Variants in CLPTM1 observed in about 807,000 individuals in gnomAD.
CLPTM1 encodes putative lipid scramblase CLPTM1.
CLPTM1 carries 21 observed loss-of-function variants against 77.3 expected under a neutral mutation model. The observed-to-expected ratio is 0.27, with a 90% CI of 0.19 to 0.39. The LOEUF is 0.39. CLPTM1 is among the 10% of genes least tolerant of loss of function. The pLI is 1.00. For missense variants in CLPTM1, 642 were observed against 921.2 expected (o/e 0.70, Z 3.92); for synonymous variants, 373 against 381.0 (o/e 0.98, Z 0.24).
chr19:44,986,552 G>T lies in CLPTM1; in HGVS notation c.770G>T (p.Ser257Ile). 1 of 1,613,990 alleles carries T rather than the reference G, an allele frequency of 6.2e-7. No homozygotes were observed. Among genetic ancestry groups the T allele is most frequent in the Non-Finnish European group, 8.5e-7 (1 of 1,180,010 alleles). Residue 257 changes from serine (S) to isoleucine (I), a missense_variant, in exon 7 of 14, where the codon AGT (serine) becomes ATT (isoleucine). Physicochemically the swap from Ser to Ile is moderately radical, Grantham distance 142 (BLOSUM62 -2). Coordinates refer to ENST00000337392, the MANE Select transcript of CLPTM1 (RefSeq NM_001294.4). ...GACCACACGCCGTGGGTGAAGGGCA[G>T]TGTGCCCCCTCCCCTGGATCAATGT... ...VDDHTPWVKG[S>I]VPPPLDQYVK...
intron 1 of CLPTM1, among the ~76,000 whole-genome samples, chr19:44,956,730 A>G (rs1425009564): frequency 1.3e-5 from 2 of 152,158 alleles, no homozygotes; most frequent in Admixed American, 6.6e-5. Flanking sequence ...TTGAGAGACC[A>G]GGGCCCAGGT....
At chr19:44,954,922 G>A (rs1309285712), upstream of CLPTM1, 1 of 1,476,618 alleles carries the variant, frequency 6.8e-7, no homozygotes, top group Non-Finnish European at 9.1e-7. Flanking sequence ...CTAGTTCTTC[G>A]AATCAGAATA....
At chr19:44,971,334 TA>T (rs751867749) in intron 2 of CLPTM1, among the ~76,000 whole-genome samples, 12,768 of 152,176 alleles carry the variant, frequency 0.084, 829 homozygotes, top group African/African-American at 0.18. Flanking sequence ...ATTACAAATA[TA>T]AAATATATTG....
chr19:44,992,828 G>A lies in CLPTM1; in HGVS notation c.1941G>A (p.Gln647=). Residue 647 remains glutamine, a synonymous_variant, in exon 14 of 14, where the codon CAG becomes CAA. Coordinates refer to ENST00000337392, the MANE Select transcript of CLPTM1 (RefSeq NM_001294.4). The surrounding 1 kb of genome is among the most constrained non-coding windows in gnomAD (Gnocchi z 7.7). ...ASTSLPTKPT[Q]GASSASEPQE... ...CGTCCCTGCCCACCAAGCCCACCCA[G>A]GGGGCCAGCTCTGCCAGCGAGCCCC... The A allele has an allele frequency of 1.2e-6, 2 of 1,613,658 alleles. No individual in the cohort carries two copies. The highest frequency in any genetic ancestry group is 8.5e-7 in the Non-Finnish European group (1 of 1,179,880).
At position 44,983,782 on chromosome 19, in the gene CLPTM1, G is replaced by A. The variant is rs148678191; in HGVS notation, c.587-1436G>A. ...TTGAGACAATCCTGGCTAACACAGT[G>A]AAACCCTGTCTTTACTAAAAATACA... On this transcript the variant is annotated intron_variant, in intron 5 of 13. Coordinates refer to ENST00000337392, the MANE Select transcript of CLPTM1 (RefSeq NM_001294.4). Among the ~76,000 whole-genome samples, 1,369 of 152,082 alleles carry A rather than the reference G, an allele frequency of 9.0e-3. 22 individuals carry two copies. The highest frequency in any genetic ancestry group is 0.031 in the African/African-American group (1,282 of 41,478).
chr19:44,987,546 C>T, intron 8 of CLPTM1, 123 bp downstream of exon 8: 4 of 1,334,812 alleles, frequency 3.0e-6, no homozygotes, highest in Non-Finnish European at 4.1e-6. Context: ...CACAGTTTCA[C>T]AACCTCCCAG....
intron 2 of CLPTM1, among the ~76,000 whole-genome samples, chr19:44,971,867 C>CT (rs10693027): frequency 0.16 from 13,250 of 83,264 alleles, 2,427 homozygotes; most frequent in South Asian, 0.34. Context: ...CCCAATTATA[C>CT]TTTTTTTTTT....
In CLPTM1 at chr19:44,990,961, A is replaced by C. The variant is rs753281594; in HGVS notation, c.1419+16A>C. 7.0e-5 allele frequency: 110 copies of C among 1,571,862 alleles called. No individual in the cohort carries two copies. The Admixed American group carries it at 1.9e-3, about 27-fold the overall frequency. ...GTATGATGATGTGAGTGTCCTGCACAGTGGGCCCCTGGGGGTGGTCTCCAG... is the reference window on the plus strand; with the variant it reads ...GTATGATGATGTGAGTGTCCTGCACCGTGGGCCCCTGGGGGTGGTCTCCAG... On this transcript the variant is annotated intron_variant, in intron 11 of 13. Coordinates refer to ENST00000337392, the MANE Select transcript of CLPTM1 (RefSeq NM_001294.4). The surrounding 1 kb of genome is among the most constrained non-coding windows in gnomAD (Gnocchi z 4.8).
In CLPTM1 at chr19:44,973,105, C is replaced by T; in HGVS notation, c.204C>T (p.Ala68=). The T allele has an allele frequency of 6.2e-7, 1 of 1,613,946 alleles. No individual in the cohort carries two copies. Among genetic ancestry groups the T allele is most frequent in the Non-Finnish European group, 8.5e-7 (1 of 1,179,846 alleles). ...GVLFRIFIIW[A]ISSWFRRGPA... ...TCCTCAGGATCTTCATCATCTGGGC[C>T]ATCAGCAGTTGGTTCCGCCGAGGGC... Residue 68 remains alanine, a synonymous_variant, in exon 3 of 14, where the codon GCC becomes GCT. Coordinates refer to ENST00000337392, the MANE Select transcript of CLPTM1 (RefSeq NM_001294.4).
At chr19:44,956,767 T>C (rs966144579) in intron 1 of CLPTM1, among the ~76,000 whole-genome samples, 2 of 152,208 alleles carry the variant, frequency 1.3e-5, no homozygotes, top group Non-Finnish European at 2.9e-5. Flanking sequence ...AGCTTCCAGA[T>C]GGCACTCTGA....
rs186358861 is a variant in CLPTM1, at chr19:44,966,351, C to T, written c.185+4276C>T. ...GCGTGAACCTAGGAGGCGGAGCTTG[C>T]AGTGTGCCAAGATGCCGCCACTGCA... On this transcript the variant is annotated intron_variant, in intron 2 of 13. Transcript: ENST00000337392. Among the ~76,000 whole-genome samples, 1,024 of 152,280 alleles carry T rather than the reference C, an allele frequency of 6.7e-3. 6 individuals are homozygous for T. The highest frequency in any genetic ancestry group is 0.014 in the Middle Eastern group (4 of 294).
At chr19:44,988,322 G>C (rs1405789072) in intron 9 of CLPTM1, 149 bp downstream of exon 9, 4 of 654,984 alleles carry the variant, frequency 6.1e-6, no homozygotes, top group South Asian at 1.8e-5. Context: ...GCTGGGGAGG[G>C]GCAGTGGCCC....
chr19:44,984,087 G>A (rs549026868), intron 5 of CLPTM1, among the ~76,000 whole-genome samples: 2 of 152,378 alleles, frequency 1.3e-5, no homozygotes, highest in South Asian at 4.1e-4. Flanking sequence ...GGCCAACTGG[G>A]CCTCTGCGAG....
rs575101054 is a variant in CLPTM1, at chr19:44,970,110, G to T, written c.186-2977G>T. On this transcript the variant is annotated intron_variant, in intron 2 of 13. Coordinates refer to ENST00000337392, the MANE Select transcript of CLPTM1 (RefSeq NM_001294.4). ...TTATTTGTAGGAATTTCAGGGCTAG[G>T]ATGAGCATATTTTCCTACAGAGAGG... Among the ~76,000 whole-genome samples, 174 of 147,916 alleles carry T rather than the reference G, an allele frequency of 1.2e-3. 29 individuals are homozygous for T. The highest frequency in any genetic ancestry group is 4.4e-3 in the African/African-American group (168 of 38,116).
chr19:44,966,246 C>G (rs1192899423), intron 2 of CLPTM1, among the ~76,000 whole-genome samples: 1 of 151,986 alleles, frequency 6.6e-6, no homozygotes, highest in Non-Finnish European at 1.5e-5. Flanking sequence ...TGCATCTCTA[C>G]TAAAAATATA....
intron 3 of CLPTM1, among the ~76,000 whole-genome samples, chr19:44,973,634 CACAGGCA>C: frequency 6.6e-6 from 1 of 152,190 alleles, no homozygotes; most frequent in South Asian, 2.1e-4. Flanking sequence ...TGGGCTTGGG[CACAGGCA>C]GGGCAGGGCT....
Position 44,991,261 on chromosome 19 carries a change from G to C in CLPTM1, c.1443G>C (p.Trp481Cys). Reference sequence around the variant, plus strand: ...AGATGGCATTCCGGTACCTGTCCTGGATCCTCTTCCCGCTCCTGGGCTGCT... The same window carrying C: ...AGATGGCATTCCGGTACCTGTCCTGCATCCTCTTCCCGCTCCTGGGCTGCT... ...YDDMAFRYLS[W>C]ILFPLLGCYA... The change falls in exon 12 of 14, where the codon TGG becomes TGC. Residue 481 changes from tryptophan (W) to cysteine (C), a missense_variant. This residue lies in a region of CLPTM1 where 521 missense variants were observed against 800.4 expected (regional missense o/e 0.65). Coordinates refer to ENST00000337392, the MANE Select transcript of CLPTM1 (RefSeq NM_001294.4). This position sits in a 1 kb window ranked among gnomAD's most constrained non-coding sequence, Gnocchi z 5.4. The C allele has an allele frequency of 6.2e-7, 1 of 1,614,050 alleles. No individual in the cohort carries two copies. Among genetic ancestry groups the C allele is most frequent in the Non-Finnish European group, 8.5e-7 (1 of 1,179,964 alleles).
chr19:44,960,786 C>T (rs544623495), intron 1 of CLPTM1, among the ~76,000 whole-genome samples: 2 of 152,262 alleles, frequency 1.3e-5, no homozygotes, highest in East Asian at 1.9e-4. Context: ...CTTCAGGCAG[C>T]GGTGGCCACA....
chr19:44,990,015 G>A lies in CLPTM1; in HGVS notation c.1133-380G>A, dbSNP rs561342407. 73 of 215,728 alleles carry A rather than the reference G, an allele frequency of 3.4e-4. No homozygotes were observed. The highest frequency in any genetic ancestry group is 1.6e-3 in the African/African-American group (69 of 43,672). The allele number at this position is 215,728 out of a possible 1,614,324, so 13.4% of individuals were successfully genotyped here. A position where few individuals can be genotyped will look rare whatever the true frequency, so the allele number is the denominator to read the frequency against. On this transcript the variant is annotated intron_variant, in intron 9 of 13. Coordinates refer to ENST00000337392, the MANE Select transcript of CLPTM1 (RefSeq NM_001294.4). The surrounding 1 kb of genome is among the most constrained non-coding windows in gnomAD (Gnocchi z 4.8). ...GGCACCATGGTGTGGCACAGACCCCGCGTCCCTTCAGATTCTGCCATGCCA... is the reference window on the plus strand; with the variant it reads ...GGCACCATGGTGTGGCACAGACCCCACGTCCCTTCAGATTCTGCCATGCCA...
Sources: gnomAD v4.1 joint callset for allele counts (sites outside exome capture counted in the v4.1 genomes callset) on GRCh38, gnomAD v4.1.1 for gene constraint, gnomAD v4.1.1 regional missense constraint, Gnocchi (gnomAD v3.1) non-coding constraint, MANE v1.5 for transcripts, NCBI Gene and HGNC (gene_info 2026-07-23, HGNC 2026-07-21) for gene names.